ARFGEF3: variants seen among roughly 807,000 people sequenced by gnomAD.
ARFGEF3 encodes the protein brefeldin A-inhibited guanine nucleotide-exchange protein 3.
Under a neutral mutation model 221.7 loss-of-function variants are expected in ARFGEF3, and 96 were observed. That is an observed-to-expected ratio of 0.43 (90% CI 0.37 to 0.51). The LOEUF (loss-of-function observed/expected upper bound fraction) is 0.51, where lower values mean the gene tolerates loss of function less well. ARFGEF3 is among the 20% of genes least tolerant of loss of function. The pLI is 0.00. For missense variants in ARFGEF3, 2,410 were observed against 2,789.9 expected (o/e 0.86, Z 3.07); for synonymous variants, 1,145 against 1,126.8 (o/e 1.02, Z -0.32).
chr6:138,184,512 G>A (rs185795655), intron 2 of ARFGEF3, among the ~76,000 whole-genome samples: 23 of 152,268 alleles, frequency 1.5e-4, no homozygotes, highest in African/African-American at 4.6e-4. Context: ...GGAAAACAAG[G>A]GTACCGGGAA....
chr6:138,269,436 G>A (rs1392941076), intron 12 of ARFGEF3, among the ~76,000 whole-genome samples: 4 of 152,180 alleles, frequency 2.6e-5, no homozygotes, highest in Non-Finnish European at 5.9e-5. Flanking sequence ...TAAAATTACA[G>A]GAAGAAAACC....
intron 20 of ARFGEF3, among the ~76,000 whole-genome samples, chr6:138,296,121 G>A (rs917423553): frequency 2.6e-5 from 4 of 152,054 alleles, no homozygotes; most frequent in Admixed American, 6.5e-5. Flanking sequence ...AGAGAGCCCC[G>A]CCCTCTTGGC....
chr6:138,263,595 C>A lies in ARFGEF3; in HGVS notation c.2112C>A (p.Ala704=). The A allele has an allele frequency of 6.2e-7, 1 of 1,600,524 alleles. No homozygotes were observed. The highest frequency in any genetic ancestry group is 8.5e-7 in the Non-Finnish European group (1 of 1,173,206). Residue 704 remains alanine, a synonymous_variant, in exon 12 of 34, where the codon GCC becomes GCA. Transcript: ENST00000251691. ...EEVDTALQNF[A]STFCSGMMHS... ...TGGACACCGCTCTGCAGAACTTTGC[C>A]TCTACTTTCTGCTCAGGTTTGTAAA...
intron 10 of ARFGEF3, 88 bp downstream of exon 10, chr6:138,255,857 A>T (rs1337910427): frequency 1.0e-5 from 12 of 1,164,768 alleles, no homozygotes; most frequent in Non-Finnish European, 1.1e-5. Context: ...AAGGCTTGCC[A>T]ATCACTTGCC....
chr6:138,195,498 A>G (rs1300936932), intron 2 of ARFGEF3, among the ~76,000 whole-genome samples: 2 of 152,192 alleles, frequency 1.3e-5, no homozygotes, highest in East Asian at 1.9e-4. Context: ...GAGGACAACC[A>G]TGTACGGTAT....
chr6:138,296,065 C>G (rs1779512696), intron 20 of ARFGEF3, among the ~76,000 whole-genome samples: 1 of 152,050 alleles, frequency 6.6e-6, no homozygotes, highest in African/African-American at 2.4e-5. Flanking sequence ...AGGTGGCAAA[C>G]CCCGCCCCCC....
At chr6:138,247,945 A>G (rs1191148275) in intron 8 of ARFGEF3, among the ~76,000 whole-genome samples, 2 of 152,232 alleles carry the variant, frequency 1.3e-5, no homozygotes, top group African/African-American at 4.8e-5. Context: ...ACCACAGGAC[A>G]GTAAAAGGGT....
chr6:138,230,945 G>C (rs72986864), intron 5 of ARFGEF3, among the ~76,000 whole-genome samples: 6 of 152,114 alleles, frequency 3.9e-5, no homozygotes, highest in Non-Finnish European at 7.4e-5. Flanking sequence ...TCTGAAAATA[G>C]CAAGAAGCAG....
rs1583028674 is a variant in ARFGEF3, at chr6:138,242,945, T to C, written c.544-7T>C. 6.2e-7 allele frequency: 1 copy of C among 1,608,978 alleles called. No individual in the cohort carries two copies. Among genetic ancestry groups the C allele is most frequent in the East Asian group, 2.2e-5 (1 of 44,838 alleles). ...TCCTAATTGTGTGTGTGTATCTCCC[T>C]TACTAGATAATTGAAAACCCAGATG... On this transcript the variant is annotated splice_region_variant and splice_polypyrimidine_tract_variant and intron_variant, in intron 6 of 33. Transcript: ENST00000251691.
At chr6:138,217,961 G>A (rs1383983258) in intron 4 of ARFGEF3, 30 of 1,559,390 alleles carry the variant, frequency 1.9e-5, no homozygotes, top group Non-Finnish European at 2.5e-5. Flanking sequence ...TATTTTTCTG[G>A]AAAGGCTTTG....
Position 138,343,891 on chromosome 6 carries a change from G to A in ARFGEF3, c.*7405G>A, listed in dbSNP as rs1780471503. On this transcript the variant is annotated 3_prime_UTR_variant, in exon 34 of 34. Transcript: ENST00000251691. Reference sequence around the variant, plus strand: ...GGTTTCACTTCAGTTGAAACAATGTGATAGAATATCCAGGTGTGGCATGAT... The same window carrying A: ...GGTTTCACTTCAGTTGAAACAATGTAATAGAATATCCAGGTGTGGCATGAT... 6.6e-6 allele frequency: 1 copy of A among 152,222 alleles called. No homozygotes were observed. Among genetic ancestry groups the A allele is most frequent in the Non-Finnish European group, 1.5e-5 (1 of 68,036 alleles). 9.4% of individuals were successfully genotyped at this position (152,222 alleles called of 1,614,324 possible). A position where few individuals can be genotyped will look rare whatever the true frequency, so the allele number is the denominator to read the frequency against.
Position 138,286,895 on chromosome 6 carries a change from G to T in ARFGEF3, c.2764G>T (p.Ala922Ser), listed in dbSNP as rs895314142. Residue 922 changes from alanine to serine, a missense_variant, in exon 16 of 34, where the codon GCA (alanine) becomes TCA (serine). This residue lies in a region of ARFGEF3 where 594 missense variants were observed against 734.3 expected (regional missense o/e 0.81). Coordinates refer to ENST00000251691, the MANE Select transcript of ARFGEF3 (RefSeq NM_020340.5). ...CMSLDGLRKAARLSCALGVAA... is the reference protein window; with the variant it reads ...CMSLDGLRKASRLSCALGVAA... The stretch of plus-strand genomic sequence containing the variant: ...GAGCCTCGACGGGCTGCGGAAAGCC[G>T]CACGGCTGAGCTGCGCTCTAGGTAC... The T allele has an allele frequency of 2.5e-6, 4 of 1,613,062 alleles. No homozygotes were observed. The African/African-American group carries it at 4.0e-5, about 16-fold the overall frequency.
At chr6:138,312,201 T>A in intron 25 of ARFGEF3, among the ~76,000 whole-genome samples, 1 of 152,066 alleles carries the variant, frequency 6.6e-6, no homozygotes, top group East Asian at 1.9e-4. Flanking sequence ...AAACAGCACT[T>A]GTCAAAGTGA....
At chr6:138,243,101 T>C in intron 7 of ARFGEF3, 107 bp downstream of exon 7, 1 of 891,946 alleles carries the variant, frequency 1.1e-6, no homozygotes, top group South Asian at 1.5e-5. Context: ...CTCGGTTGTT[T>C]TACCATTCTC....
chr6:138,251,864 C>G (rs1282490975), intron 8 of ARFGEF3, among the ~76,000 whole-genome samples: 3 of 152,140 alleles, frequency 2.0e-5, no homozygotes, highest in African/African-American at 7.2e-5. Flanking sequence ...GCCCTTCCTA[C>G]CAGTGCTTTA....
At chr6:138,331,499 TTAAA>T (rs1434626149) in intron 32 of ARFGEF3, among the ~76,000 whole-genome samples, 1 of 152,250 alleles carries the variant, frequency 6.6e-6, no homozygotes, top group Non-Finnish European at 1.5e-5. Context: ...ATTACAGCAT[TTAAA>T]TAGAGAAACC....
At chr6:138,313,055 A>G (rs1206216508) in intron 25 of ARFGEF3, among the ~76,000 whole-genome samples, 1 of 152,180 alleles carries the variant, frequency 6.6e-6, no homozygotes, top group African/African-American at 2.4e-5. Context: ...TGTAGCATTT[A>G]TGTCTGGAAT....
At chr6:138,285,816 AG>A in intron 14 of ARFGEF3, 129 bp from the exon 15 acceptor site, 1 of 614,248 alleles carries the variant, frequency 1.6e-6, no homozygotes, top group Non-Finnish European at 2.9e-6. Flanking sequence ...GTCTCATTAA[AG>A]GTTGCTACAT....
In ARFGEF3 at chr6:138,286,769, C is replaced by T. The variant is rs756808443; in HGVS notation, c.2638C>T (p.Leu880=). The T allele has an allele frequency of 3.1e-6, 5 of 1,613,954 alleles. No individual in the cohort carries two copies. In the Admixed American group the frequency reaches 5.0e-5, roughly 16 times the overall value. The change falls in exon 16 of 34, where the codon CTG becomes TTG. Residue 880 remains leucine (L), a synonymous_variant. Coordinates refer to ENST00000251691, the MANE Select transcript of ARFGEF3 (RefSeq NM_020340.5). ...KNLIDTLSTP[L]TGRMAGSSKG... is the part of the protein sequence containing the mutation. ...CTTGATCGATACTTTATCAACCCCACTGACTGGTCGAATGGCGGGGAGCTC... is the reference window on the plus strand; with the variant it reads ...CTTGATCGATACTTTATCAACCCCATTGACTGGTCGAATGGCGGGGAGCTC...
Sources: gnomAD v4.1 joint callset for allele counts (sites outside exome capture counted in the v4.1 genomes callset) on GRCh38, gnomAD v4.1.1 for gene constraint, gnomAD v4.1.1 regional missense constraint, MANE v1.5 for transcripts, NCBI Gene and HGNC (gene_info 2026-07-23, HGNC 2026-07-21) for gene names.